Variants in PALB2 observed in about 807,000 individuals in gnomAD.
The protein encoded by PALB2 is partner and localizer of BRCA2.
Under a neutral mutation model 107.4 loss-of-function variants are expected in PALB2, and 82 were observed. That is an observed-to-expected ratio of 0.76 (90% confidence interval 0.64 to 0.92). PALB2 has a LOEUF of 0.92. PALB2 is among the 40% of genes least tolerant of loss of function. The pLI, the probability that PALB2 is intolerant of heterozygous loss-of-function variation, is 0.00. For missense variants in PALB2, 1,374 were observed against 1,379.9 expected (o/e 1.00, Z 0.07); for synonymous variants, 489 against 496.8 (o/e 0.98, Z 0.21).
At chr16:23,621,802 C>A (rs955930106) in intron 9 of PALB2, among the ~76,000 whole-genome samples, 2 of 152,172 alleles carry the variant, frequency 1.3e-5, no homozygotes, top group East Asian at 1.9e-4. Flanking sequence ...GGGTTGGTCA[C>A]CACTCAAGTG....
At position 23,613,994 on chromosome 16, in the gene PALB2, C is replaced by T. The variant is rs759499251; in HGVS notation, c.3201+10G>A. 16 of 1,601,416 alleles carry T rather than the reference C, an allele frequency of 1.0e-5. No individual in the cohort carries two copies. The Admixed American group carries it at 1.2e-4, about 12-fold the overall frequency. On this transcript the variant is annotated intron_variant, in intron 11 of 12. Coordinates refer to ENST00000261584, the MANE Select transcript of PALB2 (RefSeq NM_024675.4). ...AACACACAAAGTGGTCCCAGCCAGT[C>T]ATTACTTACCATTTCAGAATAGGCT... is the stretch of plus-strand genomic sequence containing the variant.
At position 23,623,989 on chromosome 16, in the gene PALB2, A is replaced by T. The variant is rs515726097; in HGVS notation, c.2834+20T>A. The T allele has an allele frequency of 6.6e-7, 1 of 1,522,994 alleles. No homozygotes were observed. Among genetic ancestry groups the T allele is most frequent in the Non-Finnish European group, 9.1e-7 (1 of 1,097,670 alleles). 94.3% of individuals were successfully genotyped at this position (1,522,994 alleles called of 1,614,324 possible). On this transcript the variant is annotated intron_variant, in intron 8 of 12. Coordinates refer to ENST00000261584, the MANE Select transcript of PALB2 (RefSeq NM_024675.4). ...GACAAAGATGAAGGAAAAACAAATCACTCCTTGGGAATTACATACCTGATC... is the reference window on the plus strand; with the variant it reads ...GACAAAGATGAAGGAAAAACAAATCTCTCCTTGGGAATTACATACCTGATC...
At position 23,628,806 on chromosome 16, in the gene PALB2, G is replaced by A. The variant is rs185363985; in HGVS notation, c.2586+398C>T. 1.6e-3 allele frequency among the ~76,000 whole-genome samples: 246 copies of A among 152,136 alleles called. 2 individuals are homozygous for A. The highest frequency in any genetic ancestry group is 5.4e-3 in the African/African-American group (226 of 41,504). On this transcript the variant is annotated intron_variant, in intron 6 of 12. Transcript: ENST00000261584. ...CCACCACCACGCCCGGCTAATTTTT[G>A]TATTTTTAGTAGAGATGGGGTTTCA...
At position 23,610,312 on chromosome 16, in the gene PALB2, T is replaced by TA. The variant is rs201866109; in HGVS notation, c.3202-2301_3202-2300insT. Among the ~76,000 whole-genome samples, 432 of 148,586 alleles carry TA rather than the reference T, an allele frequency of 2.9e-3. 4 individuals carry two copies. The highest frequency in any genetic ancestry group is 6.8e-3 in the Middle Eastern group (2 of 292). On this transcript the variant is annotated intron_variant, in intron 11 of 12. Transcript: ENST00000261584. ...AATAAATAATACAATGTTATTTCTT[T>TA]TTTTTTTTTTTTTTTGAGACAGAGA... is the stretch of plus-strand genomic sequence containing the variant.
intron 6 of PALB2, among the ~76,000 whole-genome samples, chr16:23,627,144 G>C (rs1244444014): frequency 3.9e-5 from 6 of 152,056 alleles, no homozygotes; most frequent in Non-Finnish European, 8.8e-5. Context: ...TCAAACCACA[G>C]AGCGTGGCCA....
chr16:23,620,918 A>C (rs889221357), intron 10 of PALB2, among the ~76,000 whole-genome samples: 1 of 152,148 alleles, frequency 6.6e-6, no homozygotes, highest in African/African-American at 2.4e-5. Context: ...ACTAAAAAAT[A>C]CAAAAATTAG....
At chr16:23,631,183 G>T (rs1362748541) in intron 4 of PALB2, among the ~76,000 whole-genome samples, 1 of 149,730 alleles carries the variant, frequency 6.7e-6, no homozygotes, top group Non-Finnish European at 1.5e-5. Flanking sequence ...CGGAGGCTGA[G>T]GTGGGAGAAT....
chr16:23,615,752 C>A (rs1966673779), intron 10 of PALB2, among the ~76,000 whole-genome samples: 1 of 152,000 alleles, frequency 6.6e-6, no homozygotes, highest in Non-Finnish European at 1.5e-5. Context: ...GCAACCTCTG[C>A]CTCCCAGGTT....
chr16:23,623,920 A>C (rs1321646655), intron 8 of PALB2, 89 bp downstream of exon 8: 1 of 843,028 alleles, frequency 1.2e-6, no homozygotes, highest in Non-Finnish European at 2.0e-6. Context: ...TTCTTTCAAG[A>C]CTCAAGCCTA....
At position 23,639,218 on chromosome 16, in the gene PALB2, A is replaced by G. The variant is rs563410305; in HGVS notation, c.49-1089T>C. Among the ~76,000 whole-genome samples, 38 of 152,074 alleles carry G rather than the reference A, an allele frequency of 2.5e-4. No individual in the cohort carries two copies. The South Asian group carries it at 6.6e-3, about 27-fold the overall frequency. ...ACATCAAGATTTCCATCCTCCATAC[A>G]TGCCTTTTTTAAAAAAAAGAAAAGA... On this transcript the variant is annotated intron_variant, in intron 1 of 12. Coordinates refer to ENST00000261584, the MANE Select transcript of PALB2 (RefSeq NM_024675.4).
At chr16:23,614,492 C>T (rs562102124) in intron 10 of PALB2, among the ~76,000 whole-genome samples, 2 of 152,032 alleles carry the variant, frequency 1.3e-5, no homozygotes, top group South Asian at 4.1e-4. Flanking sequence ...AGAGACTACA[C>T]CTAAAAGAGA....
chr16:23,626,337 T>C lies in PALB2; in HGVS notation c.2647A>G (p.Lys883Glu), dbSNP rs1966842668. 3 of 1,614,194 alleles carry C rather than the reference T, an allele frequency of 1.9e-6. No homozygotes were observed. The highest frequency in any genetic ancestry group is 1.7e-6 in the Non-Finnish European group (2 of 1,180,038). The change falls in exon 7 of 13, where the codon AAA becomes GAA. Residue 883 changes from lysine (K) to glutamate (E), a missense_variant. By Grantham distance (56) the Lys-to-Glu change is moderately conservative (BLOSUM62 1). Coordinates refer to ENST00000261584, the MANE Select transcript of PALB2 (RefSeq NM_024675.4). The part of the protein sequence containing the change: ...SAMFWERAGC[K>E]EPCIITACED... ...CAAGCAGTTATGATACATGGCTCTTTACAACCGGCTCTTTCCCAAAACATG... is the reference window on the plus strand; with the variant it reads ...CAAGCAGTTATGATACATGGCTCTTCACAACCGGCTCTTTCCCAAAACATG...
At chr16:23,631,264 A>T (rs1169577132) in intron 4 of PALB2, among the ~76,000 whole-genome samples, 1 of 128,560 alleles carries the variant, frequency 7.8e-6, no homozygotes, top group Non-Finnish European at 1.6e-5. Flanking sequence ...TGGGCGACAG[A>T]GTGAGACTCT....
chr16:23,616,338 A>G (rs1477913732), intron 10 of PALB2, among the ~76,000 whole-genome samples: 2 of 152,226 alleles, frequency 1.3e-5, no homozygotes, highest in Non-Finnish European at 2.9e-5. Flanking sequence ...CAACAAATAC[A>G]GAATTCTATG....
rs587780817 is a variant in PALB2 at position 23,635,358 on chromosome 16, G to A, written c.1188C>T (p.Cys396=). 78 of 1,613,852 alleles carry A rather than the reference G, an allele frequency of 4.8e-5. No individual in the cohort carries two copies. Among genetic ancestry groups the A allele is most frequent in the Non-Finnish European group, 6.4e-5 (75 of 1,180,030 alleles). Residue 396 remains cysteine (C), a synonymous_variant, in exon 4 of 13, where the codon TGC becomes TGT. Transcript: ENST00000261584. ...TSPLSAEKHS[C]TVPEGLLFPA... is the part of the protein sequence containing the mutation. ...GAAACAGAAGGCCTTCAGGCACTGT[G>A]CAAGAATGTTTTTCTGCAGAAAGAG... is the stretch of plus-strand genomic sequence containing the variant.
intron 1 of PALB2, chr16:23,640,111 C>G (rs948250685): frequency 2.5e-5 from 4 of 163,190 alleles, no homozygotes; most frequent in Admixed American, 6.5e-5. Flanking sequence ...AGGCTGGTCT[C>G]AAACTCTGAG....
At chr16:23,608,260 A>G (rs1053596264) in intron 11 of PALB2, among the ~76,000 whole-genome samples, 4 of 150,742 alleles carry the variant, frequency 2.7e-5, no homozygotes, top group Non-Finnish European at 4.4e-5. Flanking sequence ...TTCCTGTGTT[A>G]CCCAGGCTGT....
chr16:23,628,832 T>C (rs1406152390), intron 6 of PALB2, among the ~76,000 whole-genome samples: 1 of 152,004 alleles, frequency 6.6e-6, no homozygotes, highest in Non-Finnish European at 1.5e-5. Context: ...TGGGGTTTCA[T>C]CATGTTGGCC....
rs2142376591 is a variant in PALB2, at chr16:23,629,874, A to C, written c.2280T>G (p.Leu760=). 3 of 1,614,144 alleles carry C rather than the reference A, an allele frequency of 1.9e-6. No individual in the cohort carries two copies. Among genetic ancestry groups the C allele is most frequent in the Non-Finnish European group, 2.5e-6 (3 of 1,180,034 alleles). The stretch of plus-strand genomic sequence containing the variant: ...GACAGACTGAGTCTTTCAAATGAGC[A>C]AGTTGGGGTGTGCAGCAAGTTCGTC... ...VAGRTCCTPQ[L]AHLKDSVCLA... The change falls in exon 5 of 13, where the codon CTT becomes CTG. Residue 760 remains leucine, a synonymous_variant. Transcript: ENST00000261584.
Sources: gnomAD v4.1 joint callset for allele counts (sites outside exome capture counted in the v4.1 genomes callset) on GRCh38, gnomAD v4.1.1 for gene constraint, MANE v1.5 for transcripts, NCBI Gene and HGNC (gene_info 2026-07-23, HGNC 2026-07-21) for gene names.